Variants in CROCC observed in about 807,000 individuals in gnomAD.
CROCC encodes the protein ciliary rootlet coiled-coil, rootletin.
Under a neutral mutation model 245.2 loss-of-function variants are expected in CROCC, and 180 were observed. The observed-to-expected ratio is 0.73, with a 90% CI of 0.65 to 0.83. The LOEUF is 0.83. CROCC is among the 40% of genes least tolerant of loss of function. CROCC has a pLI of 0.00. For missense variants in CROCC, 2,688 were observed against 2,779.4 expected, an observed-to-expected ratio of 0.97 and a Z score of 0.74; for synonymous variants, 1,205 against 1,241.6, an observed-to-expected ratio of 0.97 and a Z score of 0.62.
At chr1:16,936,598 C>T (rs1236412307) in intron 8 of CROCC, 39 bp from the exon 9 acceptor site, 2 of 1,520,344 alleles carry the variant, frequency 1.3e-6, no homozygotes, top group Non-Finnish European at 1.8e-6. Flanking sequence ...TAGTTGGGAG[C>T]AAGCCCCATC....
At chr1:16,921,182 G>C (rs2075396352), upstream of CROCC, among the ~76,000 whole-genome samples, 1 of 152,288 alleles carries the variant, frequency 6.6e-6, no homozygotes. Flanking sequence ...CGAGAGATGA[G>C]TACCAATATT....
At position 16,922,738 on chromosome 1, in the gene CROCC, A is replaced by G. The variant is rs1194373968; in HGVS notation, c.136A>G (p.Ser46Gly). The change falls in exon 2 of 37, where the codon AGC becomes GGC. Residue 46 changes from serine to glycine, a missense_variant. Transcript: ENST00000375541. Reference sequence around the variant, plus strand: ...CCTGGCCCAGGACGCTCAGATCACCAGCCTGCCTGCCCTTATCAGGGAGAT... The same window carrying G: ...CCTGGCCCAGGACGCTCAGATCACCGGCCTGCCTGCCCTTATCAGGGAGAT... ...RDLAQDAQIT[S>G]LPALIREIVT... 4.3e-6 allele frequency: 7 copies of G among 1,613,834 alleles called. No homozygotes were observed. In the African/African-American group the frequency reaches 9.3e-5, roughly 22 times the overall value.
In CROCC at chr1:16,948,435, G is replaced by A. The variant is rs143346394; in HGVS notation, c.2619G>A (p.Ala873=). Residue 873 remains alanine (A), a synonymous_variant, in exon 18 of 37, where the codon GCG becomes GCA. Transcript: ENST00000375541. ...AGCGAGCGGCCCGTGAGAAGGAGGC[G>A]CTAGCCAAGGAGCACGCTGGCCTGG... is the stretch of plus-strand genomic sequence containing the variant. ...ALERAAREKE[A]LAKEHAGLAV... The A allele has an allele frequency of 5.1e-4, 802 of 1,568,054 alleles. No individual in the cohort carries two copies. Among genetic ancestry groups the A allele is most frequent in the Non-Finnish European group, 6.4e-4 (737 of 1,158,356 alleles).
At chr1:16,952,820 T>G (rs968769142) in intron 20 of CROCC, among the ~76,000 whole-genome samples, 2 of 152,108 alleles carry the variant, frequency 1.3e-5, no homozygotes, top group East Asian at 3.9e-4. Flanking sequence ...TGTCGGAACA[T>G]CCCCTAAGCT....
rs201548237 is a variant in CROCC, at chr1:16,924,404, C to T, written c.276C>T (p.Arg92=). The change falls in exon 3 of 37, where the codon CGC becomes CGT. Residue 92 remains arginine (R), a synonymous_variant. Coordinates refer to ENST00000375541, the MANE Select transcript of CROCC (RefSeq NM_014675.5). ...AGCTGCTGCAGCAGGAGCTGTCCCG[C>T]GTGGAGGACCTGCTGGCCCAGAGCC... The part of the protein sequence containing the change: ...ENQLLQQELS[R]VEDLLAQSRA... 1.9e-5 allele frequency: 31 copies of T among 1,613,246 alleles called. No homozygotes were observed. In the African/African-American group the frequency reaches 2.5e-4, roughly 13 times the overall value.
intron 13 of CROCC, among the ~76,000 whole-genome samples, chr1:16,943,220 G>A (rs1298142914): frequency 4.0e-5 from 6 of 150,908 alleles, no homozygotes; most frequent in African/African-American, 4.9e-5. Context: ...CAGCCTGGGC[G>A]ACAGAGTGAG....
At position 16,930,186 on chromosome 1, in the gene CROCC, G is replaced by A. The variant is rs762585948; in HGVS notation, c.600G>A (p.Glu200=). Reference sequence around the variant, plus strand: ...AGCAGCTGCTGGAGAGATCCGGAGAGCTGGAGCAGCAGCGGCTGAGGGTGG... The same window carrying A: ...AGCAGCTGCTGGAGAGATCCGGAGAACTGGAGCAGCAGCGGCTGAGGGTGG... The part of the protein sequence containing the change: ...LEQQLLERSG[E]LEQQRLRDTE... Residue 200 remains glutamate, a synonymous_variant, in exon 5 of 37, where the codon GAG becomes GAA. Transcript: ENST00000375541. 6 of 1,592,502 alleles carry A rather than the reference G, an allele frequency of 3.8e-6. No homozygotes were observed. The Admixed American group carries it at 7.1e-5, about 19-fold the overall frequency.
intron 19 of CROCC, among the ~76,000 whole-genome samples, chr1:16,949,845 C>T (rs2076129227): frequency 6.6e-6 from 1 of 152,124 alleles, no homozygotes; most frequent in South Asian, 2.1e-4. Context: ...TCTCGGCTCA[C>T]CTCAACCTCT....
At chr1:16,951,259 G>C (rs968565985) in intron 20 of CROCC, 137 bp downstream of exon 20, 3 of 738,174 alleles carry the variant, frequency 4.1e-6, no homozygotes, top group Non-Finnish European at 5.9e-6. Flanking sequence ...TAGGAGGACT[G>C]GGGGGATGGG....
rs1350123068 is a variant in CROCC at position 16,966,304 on chromosome 1, G to C, written c.4697-104G>C. 7.0e-7 allele frequency: 1 copy of C among 1,437,034 alleles called. No homozygotes were observed. The highest frequency in any genetic ancestry group is 9.2e-7 in the Non-Finnish European group (1 of 1,087,396). 89.0% of individuals were successfully genotyped at this position (1,437,034 alleles called of 1,614,324 possible). A position where few individuals can be genotyped will look rare whatever the true frequency, so the allele number is the denominator to read the frequency against. ...CCGCATACTACGAAGGGTGCAGACA[G>C]TCTGGCCCTGCACTGGGTGGAGTGC... On this transcript the variant is annotated intron_variant, in intron 29 of 36. Transcript: ENST00000375541. The surrounding 1 kb of genome is among the most constrained non-coding windows in gnomAD (Gnocchi z 4.8).
rs1441967747 is a variant in CROCC at position 16,942,124 on chromosome 1, T to C, written c.1809-1976T>C. Reference sequence around the variant, plus strand: ...CTCCTAGGCTTAAGTGATCCTTCCATCTCAGCCTCCTGAGTAGCTGGAACT... The same window carrying C: ...CTCCTAGGCTTAAGTGATCCTTCCACCTCAGCCTCCTGAGTAGCTGGAACT... On this transcript the variant is annotated intron_variant, in intron 13 of 36. Coordinates refer to ENST00000375541, the MANE Select transcript of CROCC (RefSeq NM_014675.5). Among the ~76,000 whole-genome samples the C allele has an allele frequency of 2.0e-5, 3 of 152,366 alleles. No homozygotes were observed. The East Asian group carries it at 5.8e-4, about 29-fold the overall frequency.
At position 16,939,084 on chromosome 1, in the gene CROCC, A is replaced by G. The variant is rs775294117; in HGVS notation, c.1550A>G (p.Asp517Gly). ...PRRGPSPACS[D>G]SSTLALIHSA... ...CGAGGCCCCTCCCCGGCCTGCTCAGACTCCTCCACGCTCGCCCTGATCCAC... is the reference window on the plus strand; with the variant it reads ...CGAGGCCCCTCCCCGGCCTGCTCAGGCTCCTCCACGCTCGCCCTGATCCAC... The change falls in exon 12 of 37, where the codon GAC becomes GGC. Residue 517 changes from aspartate (D) to glycine (G), a missense_variant. Asp to Gly is a moderately conservative substitution (Grantham distance 94). Around this residue, in one of 9 missense-constraint regions of CROCC, gnomAD observed 972 missense variants for 895.3 expected, o/e 1.09. Coordinates refer to ENST00000375541, the MANE Select transcript of CROCC (RefSeq NM_014675.5). The G allele has an allele frequency of 6.3e-5, 100 of 1,581,756 alleles. No individual in the cohort carries two copies. The highest frequency in any genetic ancestry group is 7.7e-5 in the Non-Finnish European group (90 of 1,170,190).
chr1:16,922,808 C>T lies in CROCC; in HGVS notation c.196+10C>T, dbSNP rs752687072. ...CAGCCTGAGAGCCCAGGTGCCACCCCCATCCGCTCCCCTCCACAAACACCA... is the reference window on the plus strand; with the variant it reads ...CAGCCTGAGAGCCCAGGTGCCACCCTCATCCGCTCCCCTCCACAAACACCA... On this transcript the variant is annotated intron_variant, in intron 2 of 36. Transcript: ENST00000375541. The T allele has an allele frequency of 4.4e-6, 7 of 1,608,752 alleles. No individual in the cohort carries two copies. Among genetic ancestry groups the T allele is most frequent in the East Asian group, 2.2e-5 (1 of 44,876 alleles).
rs763939335 is a variant in CROCC at position 16,929,951 on chromosome 1, GCCT to G, written c.461_463del (p.Ser154del). On this transcript the variant is annotated inframe_deletion, in exon 4 of 37. Coordinates refer to ENST00000375541, the MANE Select transcript of CROCC (RefSeq NM_014675.5). ...GCGGAGGCAGCTGCAGGAGGAGCAG[GCCT>G]CCTACCGGCGCAAGCTGCAGGCCTA... 1.3e-4 allele frequency: 211 copies of G among 1,586,352 alleles called. No individual in the cohort carries two copies. The highest frequency in any genetic ancestry group is 1.7e-4 in the Non-Finnish European group (200 of 1,169,790).
At chr1:16,929,069 T>C (rs1183244722) in intron 3 of CROCC, among the ~76,000 whole-genome samples, 12 of 152,248 alleles carry the variant, frequency 7.9e-5, no homozygotes, top group East Asian at 1.9e-4. Context: ...TCAAGTGATC[T>C]ACCCGCCTTG....
Position 16,924,395 on chromosome 1 carries a change from G to A in CROCC, c.267G>A (p.Glu89=), listed in dbSNP as rs1294168821. The change falls in exon 3 of 37, where the codon GAG becomes GAA. Residue 89 remains glutamate (E), a synonymous_variant. Transcript: ENST00000375541. ...AGGAGAACCAGCTGCTGCAGCAGGA[G>A]CTGTCCCGCGTGGAGGACCTGCTGG... ...LQEENQLLQQ[E]LSRVEDLLAQ... is the part of the protein sequence containing the mutation. 5 of 1,613,142 alleles carry A rather than the reference G, an allele frequency of 3.1e-6. No homozygotes were observed. Among genetic ancestry groups the A allele is most frequent in the Non-Finnish European group, 3.4e-6 (4 of 1,179,888 alleles).
At chr1:16,921,109 C>A (rs551372532), upstream of CROCC, among the ~76,000 whole-genome samples, 12 of 152,378 alleles carry the variant, frequency 7.9e-5, no homozygotes, top group Admixed American at 7.2e-4. Flanking sequence ...GCCACGTGAC[C>A]CCCCAGCACC....
intron 2 of CROCC, among the ~76,000 whole-genome samples, chr1:16,924,104 C>G (rs546245295): frequency 3.3e-5 from 5 of 152,414 alleles, no homozygotes; most frequent in African/African-American, 7.2e-5. Flanking sequence ...CCCAAACCTG[C>G]TGGGCCACAC....
At position 16,940,037 on chromosome 1, in the gene CROCC, C is replaced by T. The variant is rs2075891907; in HGVS notation, c.1752C>T (p.His584=). 1.2e-6 allele frequency: 2 copies of T among 1,610,764 alleles called. No homozygotes were observed. Among genetic ancestry groups the T allele is most frequent in the Admixed American group, 1.7e-5 (1 of 59,918 alleles). Residue 584 remains histidine, a synonymous_variant, in exon 13 of 37, where the codon CAC becomes CAT. Coordinates refer to ENST00000375541, the MANE Select transcript of CROCC (RefSeq NM_014675.5). ...AGACCGACGGCGCCATGCAGGCCCA[C>T]GAGGACGCCCAGCGCGAGGTGCAGC... ...RDKTDGAMQA[H]EDAQREVQRL...
Sources: allele counts gnomAD v4.1 joint callset (sites outside exome capture counted in the v4.1 genomes callset), GRCh38; gene constraint gnomAD v4.1.1; regional missense constraint gnomAD v4.1.1; non-coding constraint Gnocchi (gnomAD v3.1); transcripts MANE v1.5; gene names NCBI Gene and HGNC (gene_info 2026-07-23, HGNC 2026-07-21).